Variants in NRCAM observed in about 807,000 individuals in gnomAD.
The protein encoded by NRCAM is neuronal cell adhesion molecule.
In NRCAM, 83 loss-of-function variants were observed where a neutral mutation model predicts 156.5. The ratio of observed to expected loss-of-function variants is 0.53; its 90% CI spans 0.44 to 0.64. NRCAM has a LOEUF of 0.64. Ranked by LOEUF, NRCAM falls within the 30% of genes least tolerant of loss-of-function variation. The pLI, the probability that NRCAM is intolerant of heterozygous loss-of-function variation, is 0.00. For missense variants in NRCAM, 1,417 were observed against 1,597.3 expected, an observed-to-expected ratio of 0.89 and a Z score of 1.92; for synonymous variants, 538 against 563.9, an observed-to-expected ratio of 0.95 and a Z score of 0.65.
Position 108,380,456 on chromosome 7 carries a change from T to C in NRCAM, c.-174+18980A>G, listed in dbSNP as rs73714840. ...GTTTTGCTGTTTCTATAAGTTGTAT[T>C]TGGTTTCTTTTTAAGTCTTAAATGT... On this transcript the variant is annotated intron_variant, in intron 2 of 32. Coordinates refer to ENST00000379028, the MANE Select transcript of NRCAM (RefSeq NM_001037132.4). Among the ~76,000 whole-genome samples the C allele has an allele frequency of 7.4e-3, 1,124 of 152,336 alleles. 16 individuals are homozygous for C. The highest frequency in any genetic ancestry group is 0.026 in the African/African-American group (1,085 of 41,582).
chr7:108,376,906 T>C (rs1285464670), intron 2 of NRCAM, among the ~76,000 whole-genome samples: 3 of 152,222 alleles, frequency 2.0e-5, no homozygotes, highest in Non-Finnish European at 4.4e-5. Flanking sequence ...GGCTCATGCC[T>C]GTAATCCCAG....
At position 108,209,433 on chromosome 7, in the gene NRCAM, C is replaced by G; in HGVS notation, c.1063G>C (p.Val355Leu). Residue 355 changes from valine to leucine, a missense_variant, in exon 12 of 33, where the codon GTT (valine) becomes CTT (leucine). Val to Leu is a conservative substitution (Grantham distance 32). Around this residue, in one of 2 missense-constraint regions of NRCAM, gnomAD observed 1,238 missense variants for 1,336.4 expected, o/e 0.93. Coordinates refer to ENST00000379028, the MANE Select transcript of NRCAM (RefSeq NM_001037132.4). The part of the protein sequence containing the change: ...ALGAIHHTIS[V>L]RVKAAPYWIT... Reference sequence around the variant, plus strand: ...TTAAACAATATACCTTTAACTCTAACAGAAATGGTATGGTGGATGGCTCCT... The same window carrying G: ...TTAAACAATATACCTTTAACTCTAAGAGAAATGGTATGGTGGATGGCTCCT... 1 of 1,588,596 alleles carries G rather than the reference C, an allele frequency of 6.3e-7. No individual in the cohort carries two copies. The highest frequency in any genetic ancestry group is 1.2e-5 in the South Asian group (1 of 86,142).
intron 18 of NRCAM, 115 bp from the exon 19 acceptor site, chr7:108,191,398 G>A (rs1202358390): frequency 2.5e-6 from 2 of 797,198 alleles, no homozygotes; most frequent in African/African-American, 3.5e-5. Context: ...TAAGCCCTAT[G>A]CTTAGCTGTG....
chr7:108,216,072 T>A (rs2088535306), intron 11 of NRCAM, among the ~76,000 whole-genome samples: 2 of 152,224 alleles, frequency 1.3e-5, no homozygotes, highest in African/African-American at 4.8e-5. Flanking sequence ...CCATATTTAG[T>A]GCTTCCTTCA....
At chr7:108,349,177 T>C (rs997551220) in intron 2 of NRCAM, among the ~76,000 whole-genome samples, 3 of 152,192 alleles carry the variant, frequency 2.0e-5, no homozygotes, top group African/African-American at 7.2e-5. Context: ...GTTGGTTGTA[T>C]TGTTATTACT....
At chr7:108,430,070 G>A (rs543578363) in intron 1 of NRCAM, among the ~76,000 whole-genome samples, 2 of 152,298 alleles carry the variant, frequency 1.3e-5, no homozygotes, top group Admixed American at 1.3e-4. Flanking sequence ...GGGCACAGGG[G>A]CTGCAGAGCT....
intron 1 of NRCAM, among the ~76,000 whole-genome samples, chr7:108,417,688 A>G (rs923592420): frequency 6.6e-6 from 1 of 152,182 alleles, no homozygotes; most frequent in African/African-American, 2.4e-5. Context: ...CTCAACTTCT[A>G]AATCTCTGGA....
At chr7:108,397,546 T>C (rs1419314372) in intron 2 of NRCAM, among the ~76,000 whole-genome samples, 1 of 152,094 alleles carries the variant, frequency 6.6e-6, no homozygotes, top group Non-Finnish European at 1.5e-5. Context: ...GGGTGGATGC[T>C]GAGAAGACCC....
chr7:108,312,293 GA>G (rs1256117913), intron 3 of NRCAM, among the ~76,000 whole-genome samples: 13 of 152,218 alleles, frequency 8.5e-5, no homozygotes, highest in African/African-American at 3.1e-4. Flanking sequence ...GAATCAAAAA[GA>G]AAATTATTTT....
intron 3 of NRCAM, among the ~76,000 whole-genome samples, chr7:108,267,130 A>G (rs961201843): frequency 6.6e-6 from 1 of 152,252 alleles, no homozygotes; most frequent in Non-Finnish European, 1.5e-5. Context: ...CTCTGAGCTT[A>G]GGGAACCAGA....
chr7:108,163,689 C>T (rs942785104), intron 30 of NRCAM, among the ~76,000 whole-genome samples: 3 of 151,606 alleles, frequency 2.0e-5, no homozygotes, highest in Admixed American at 6.6e-5. Flanking sequence ...TGAGAGGTCA[C>T]GTCTGGTCAT....
At chr7:108,387,403 T>C (rs1397616368) in intron 2 of NRCAM, among the ~76,000 whole-genome samples, 2 of 152,104 alleles carry the variant, frequency 1.3e-5, no homozygotes, top group Non-Finnish European at 2.9e-5. Context: ...TGGTGCACTA[T>C]TTATGGATTA....
At chr7:108,439,832 C>CAAAAAA (rs34432715) in intron 1 of NRCAM, among the ~76,000 whole-genome samples, 24 of 70,350 alleles carry the variant, frequency 3.4e-4, no homozygotes, top group Middle Eastern at 0.015. Flanking sequence ...GACTCCGTCA[C>CAAAAAA]AAAAAAAAAA....
chr7:108,298,758 T>G (rs2098507965), intron 3 of NRCAM, among the ~76,000 whole-genome samples: 1 of 151,782 alleles, frequency 6.6e-6, no homozygotes, highest in Admixed American at 6.6e-5. Context: ...AGGATTTAAA[T>G]TTTCCTTCCT....
intron 2 of NRCAM, among the ~76,000 whole-genome samples, chr7:108,354,371 AT>A (rs967855796): frequency 3.9e-5 from 6 of 152,214 alleles, no homozygotes; most frequent in Admixed American, 1.3e-4. Context: ...TTAGAGTGAC[AT>A]GTTAAAATCA....
At chr7:108,264,872 G>A (rs747268785) in intron 3 of NRCAM, among the ~76,000 whole-genome samples, 12 of 152,166 alleles carry the variant, frequency 7.9e-5, no homozygotes, top group Non-Finnish European at 1.5e-4. Context: ...TAAGGTATAA[G>A]GAAAACACAA....
intron 1 of NRCAM, among the ~76,000 whole-genome samples, chr7:108,408,856 C>T (rs1036104917): frequency 2.6e-5 from 4 of 152,188 alleles, no homozygotes; most frequent in Non-Finnish European, 5.9e-5. Context: ...GAAATGTCCT[C>T]CTTGGGTTCA....
chr7:108,231,377 G>A (rs1472344678), intron 7 of NRCAM, among the ~76,000 whole-genome samples: 1 of 152,148 alleles, frequency 6.6e-6, no homozygotes, highest in Admixed American at 6.5e-5. Flanking sequence ...TTCTCAGTCA[G>A]TGATTCCACA....
At chr7:108,438,916 CA>C (rs1289640542) in intron 1 of NRCAM, among the ~76,000 whole-genome samples, 5 of 151,762 alleles carry the variant, frequency 3.3e-5, no homozygotes, top group Non-Finnish European at 7.4e-5. Flanking sequence ...ATAAATTTAA[CA>C]AAAAAATGCA....
Sources: gnomAD v4.1 joint callset for allele counts (sites outside exome capture counted in the v4.1 genomes callset) on GRCh38, gnomAD v4.1.1 for gene constraint, gnomAD v4.1.1 regional missense constraint, MANE v1.5 for transcripts, NCBI Gene and HGNC (gene_info 2026-07-23, HGNC 2026-07-21) for gene names.